MARK3: variants seen among roughly 807,000 people sequenced by gnomAD.
MARK3 encodes microtubule affinity regulating kinase 3.
MARK3 carries 46 observed loss-of-function variants against 90.1 expected under a neutral mutation model. The observed-to-expected ratio is 0.51, with a 90% CI of 0.40 to 0.65. The LOEUF is 0.65. Among genes scored for constraint, MARK3 ranks in the 30% least tolerant of loss-of-function variants. The pLI is 0.00. For synonymous variants in MARK3, 321 were observed against 332.6 expected (o/e 0.97, Z 0.38); for missense variants, 818 against 947.2 (o/e 0.86, Z 1.79).
At chr14:103,395,041 A>G (rs999346874) in intron 1 of MARK3, among the ~76,000 whole-genome samples, 1 of 152,134 alleles carries the variant, frequency 6.6e-6, no homozygotes, top group Non-Finnish European at 1.5e-5. Context: ...CGGCCTCCCA[A>G]AGTGCTAGGA....
At chr14:103,424,347 A>G (rs992493627) in intron 2 of MARK3, among the ~76,000 whole-genome samples, 1 of 151,842 alleles carries the variant, frequency 6.6e-6, no homozygotes, top group Non-Finnish European at 1.5e-5. Context: ...AGCCTGGGTA[A>G]CATAAGGAGA....
rs1467195253 is a variant in MARK3 at position 103,480,403 on chromosome 14, G to T, written c.1499G>T (p.Gly500Val). Residue 500 changes from glycine to valine, a missense_variant, in exon 14 of 18, where the codon GGT becomes GTT. Transcript: ENST00000429436. ...TTTTTATAGAGTAACACAGCATCTG[G>T]TGGAATGACACGACGAAATACTTAT... The part of the protein sequence containing the change: ...STVPSSNTAS[G>V]GMTRRNTYVC... 6.2e-7 allele frequency: 1 copy of T among 1,611,640 alleles called. No individual in the cohort carries two copies. The highest frequency in any genetic ancestry group is 1.7e-5 in the Admixed American group (1 of 59,952).
chr14:103,399,214 C>G (rs1192476653), intron 1 of MARK3, among the ~76,000 whole-genome samples: 1 of 152,076 alleles, frequency 6.6e-6, no homozygotes, highest in Non-Finnish European at 1.5e-5. Context: ...AATTTGTCTT[C>G]TGATTATACA....
At chr14:103,402,446 T>G (rs887542275) in intron 1 of MARK3, among the ~76,000 whole-genome samples, 14 of 151,596 alleles carry the variant, frequency 9.2e-5, no homozygotes, top group Admixed American at 2.0e-4. Flanking sequence ...CAGCTACTCA[T>G]GAGGCTGAGG....
At chr14:103,478,602 C>T (rs1193455185) in intron 13 of MARK3, among the ~76,000 whole-genome samples, 2 of 148,990 alleles carry the variant, frequency 1.3e-5, no homozygotes, top group Non-Finnish European at 3.0e-5. Context: ...TGCAATGGCA[C>T]GATCTTGGCT....
chr14:103,421,599 G>A (rs945669853), intron 2 of MARK3, among the ~76,000 whole-genome samples: 1 of 152,112 alleles, frequency 6.6e-6, no homozygotes, highest in Non-Finnish European at 1.5e-5. Flanking sequence ...TTCCACACAC[G>A]CAACACAGAG....
intron 1 of MARK3, among the ~76,000 whole-genome samples, chr14:103,394,878 G>A (rs1384653860): frequency 6.6e-6 from 1 of 152,110 alleles, no homozygotes; most frequent in East Asian, 1.9e-4. Flanking sequence ...TGCCTCCTGG[G>A]TTCAAGTGAT....
intron 5 of MARK3, among the ~76,000 whole-genome samples, chr14:103,452,471 C>CTTTTTTTTTTTTTTTTTTTTGTTTTTTTT (rs71126026): frequency 1.0e-5 from 1 of 97,472 alleles, no homozygotes; most frequent in Non-Finnish European, 2.2e-5. Flanking sequence ...CAGGATTTGT[C>CTTTTTTTTTTTTTTTTTTTTGTTTTTTTT]TTTTTTTTTT....
intron 2 of MARK3, chr14:103,412,290 T>A: frequency 1.5e-6 from 1 of 652,186 alleles, no homozygotes. Flanking sequence ...AAACATAACA[T>A]GTTCATATGA....
At position 103,486,504 on chromosome 14, in the gene MARK3, A is replaced by T. The variant is rs185541673; in HGVS notation, c.1587-5273A>T. Among the ~76,000 whole-genome samples, 788 of 152,288 alleles carry T rather than the reference A, an allele frequency of 5.2e-3. 10 individuals are homozygous for T. The highest frequency in any genetic ancestry group is 3.4e-3 in the Non-Finnish European group (230 of 68,026). On this transcript the variant is annotated intron_variant, in intron 14 of 17. Coordinates refer to ENST00000429436, the MANE Select transcript of MARK3 (RefSeq NM_001128918.3). ...ATGAACCCACAAAAACTTTAAAAAAATTTTTTAATTATTAAAAAAATGTAA... is the reference window on the plus strand; with the variant it reads ...ATGAACCCACAAAAACTTTAAAAAATTTTTTTAATTATTAAAAAAATGTAA...
chr14:103,460,073 CTTTTTTTTTTTTTTTTT>C (rs571611660), intron 6 of MARK3, among the ~76,000 whole-genome samples: 2 of 41,704 alleles, frequency 4.8e-5, no homozygotes, highest in Non-Finnish European at 7.9e-5. Flanking sequence ...CCAGCTCCAT[CTTTTTTTTTTTTTTTTT>C]TTTTTTTTTT....
intron 3 of MARK3, among the ~76,000 whole-genome samples, chr14:103,448,589 A>C (rs1468863865): frequency 6.6e-6 from 1 of 152,222 alleles, no homozygotes; most frequent in Non-Finnish European, 1.5e-5. Flanking sequence ...GAATCAGACT[A>C]AGTTTAATCA....
chr14:103,433,933 G>T (rs1159938799), intron 3 of MARK3, among the ~76,000 whole-genome samples: 2 of 152,116 alleles, frequency 1.3e-5, no homozygotes, highest in Non-Finnish European at 2.9e-5. Context: ...ACCTAGGTAA[G>T]AGTGTAACCA....
chr14:103,485,676 C>T (rs974802277), intron 14 of MARK3, among the ~76,000 whole-genome samples: 15 of 152,074 alleles, frequency 9.9e-5, no homozygotes, highest in Admixed American at 7.2e-4. Context: ...GGCTAGAGGT[C>T]ATAGCAACAA....
chr14:103,435,627 C>T (rs1310321206), intron 3 of MARK3, among the ~76,000 whole-genome samples: 1 of 152,086 alleles, frequency 6.6e-6, no homozygotes, highest in Non-Finnish European at 1.5e-5. Flanking sequence ...CCAGGATGGT[C>T]TCAATCTCCT....
rs963893040 is a variant in MARK3, at chr14:103,479,876, G to A, written c.1483-511G>A. Among the ~76,000 whole-genome samples the A allele has an allele frequency of 7.2e-5, 11 of 152,190 alleles. 1 individual carries two copies. The South Asian group carries it at 2.3e-3, about 32-fold the overall frequency. ...GCTGGTCTCGAACTCCTCACCTCAG[G>A]AGATCCGCCCACCTCTGCCTCCCAA... is the stretch of plus-strand genomic sequence containing the variant. On this transcript the variant is annotated intron_variant, in intron 13 of 17. Transcript: ENST00000429436.
intron 2 of MARK3, among the ~76,000 whole-genome samples, chr14:103,426,838 G>A (rs2092419742): frequency 1.3e-5 from 2 of 151,570 alleles, no homozygotes; most frequent in South Asian, 4.2e-4. Flanking sequence ...CCCACAGATT[G>A]GTTTGGACCT....
At chr14:103,388,145 G>C (rs1399162727) in intron 1 of MARK3, among the ~76,000 whole-genome samples, 1 of 152,228 alleles carries the variant, frequency 6.6e-6, no homozygotes, top group East Asian at 1.9e-4. Flanking sequence ...TGGTCGTGCT[G>C]GTCTCAAACT....
At chr14:103,412,939 ATCTCAGCTCACCACAACC>A (rs952504442) in intron 2 of MARK3, among the ~76,000 whole-genome samples, 3 of 148,208 alleles carry the variant, frequency 2.0e-5, no homozygotes, top group Non-Finnish European at 4.4e-5. Flanking sequence ...CAGTGGCGTG[ATCTCAGCTCACCACAACC>A]TCCGCCTCCT....
Sources: gnomAD v4.1 joint callset for allele counts (sites outside exome capture counted in the v4.1 genomes callset) on GRCh38, gnomAD v4.1.1 for gene constraint, MANE v1.5 for transcripts, NCBI Gene and HGNC (gene_info 2026-07-23, HGNC 2026-07-21) for gene names.